The following KIAA1217 variants were observed in gnomAD, a reference collection of about 807,000 sequenced individuals.
KIAA1217 encodes KIAA1217, also known as sickle tail protein homolog.
KIAA1217 carries 88 observed loss-of-function variants against 163.9 expected under a neutral mutation model. The observed-to-expected ratio is 0.54, with a 90% CI of 0.45 to 0.64. KIAA1217 has a LOEUF of 0.64. KIAA1217 is among the 30% of genes least tolerant of loss of function. The pLI is 0.00. For missense variants in KIAA1217, 2,372 were observed against 2,475.0 expected, an observed-to-expected ratio of 0.96 and a Z score of 0.88; for synonymous variants, 903 against 923.1, an observed-to-expected ratio of 0.98 and a Z score of 0.39.
chr10:24,479,148 C>A (rs1160799126), intron 6 of KIAA1217, among the ~76,000 whole-genome samples: 2 of 152,176 alleles, frequency 1.3e-5, no homozygotes, highest in Non-Finnish European at 2.9e-5. Context: ...CTTAGCAGAA[C>A]CTTCTGTGTA....
At chr10:23,704,652 T>G (rs1385850879) in intron 1 of KIAA1217, among the ~76,000 whole-genome samples, 2 of 152,206 alleles carry the variant, frequency 1.3e-5, no homozygotes. Context: ...TTCTTTTTAT[T>G]GCCAAATAAA....
Position 24,513,420 on chromosome 10 carries a change from C to G in KIAA1217, c.2163C>G (p.Ile721Met). The G allele has an allele frequency of 6.2e-7, 1 of 1,614,054 alleles. No individual in the cohort carries two copies. Among genetic ancestry groups the G allele is most frequent in the Non-Finnish European group, 8.5e-7 (1 of 1,179,966 alleles). ...RQKYLHEEEK[I>M]VKKLCELEDF... ...AATATCTTCATGAGGAAGAGAAGATCGTCAAGAAGTTGTGGTGAGTGCCAG... is the reference window on the plus strand; with the variant it reads ...AATATCTTCATGAGGAAGAGAAGATGGTCAAGAAGTTGTGGTGAGTGCCAG... The change falls in exon 10 of 21, where the codon ATC becomes ATG. Residue 721 changes from isoleucine (I) to methionine (M), a missense_variant. By Grantham distance (10) the Ile-to-Met change is conservative. Around this residue, in one of 3 missense-constraint regions of KIAA1217, gnomAD observed 1,431 missense variants for 1,470.3 expected, o/e 0.97. Transcript: ENST00000376454.
chr10:24,107,995 A>G (rs913274685), intron 2 of KIAA1217, among the ~76,000 whole-genome samples: 4 of 152,154 alleles, frequency 2.6e-5, no homozygotes, highest in Non-Finnish European at 5.9e-5. Flanking sequence ...TTGTCCAGGT[A>G]AAGGTAGGTC....
At chr10:24,123,483 C>T (rs1417043495) in intron 2 of KIAA1217, among the ~76,000 whole-genome samples, 1 of 152,040 alleles carries the variant, frequency 6.6e-6, no homozygotes, top group African/African-American at 2.4e-5. Flanking sequence ...TATGTATGTG[C>T]TAGAATTTCT....
intron 2 of KIAA1217, among the ~76,000 whole-genome samples, chr10:24,027,823 C>T (rs907358275): frequency 2.0e-5 from 3 of 151,988 alleles, no homozygotes; most frequent in African/African-American, 7.2e-5. Flanking sequence ...TAAATAAGAC[C>T]TATCGCCCAA....
intron 3 of KIAA1217, among the ~76,000 whole-genome samples, chr10:24,427,560 G>T (rs529675723): frequency 1.3e-5 from 2 of 152,282 alleles, no homozygotes; most frequent in East Asian, 3.9e-4. Context: ...CTGTGAAATG[G>T]GGTCATAGTA....
intron 2 of KIAA1217, among the ~76,000 whole-genome samples, chr10:24,022,208 A>T (rs919468152): frequency 3.3e-5 from 5 of 149,992 alleles, no homozygotes; most frequent in Middle Eastern, 3.4e-3. Flanking sequence ...TATCTGATTT[A>T]AAAAAAACTT....
chr10:24,162,971 G>A (rs1418846982), intron 2 of KIAA1217, among the ~76,000 whole-genome samples: 1 of 152,130 alleles, frequency 6.6e-6, no homozygotes, highest in Admixed American at 6.6e-5. Context: ...GACCAATATG[G>A]CAGCCACAGT....
rs151201357 is a variant in KIAA1217, at chr10:24,484,210, G to A, written c.1679+10150G>A. 3.8e-5 allele frequency among the ~76,000 whole-genome samples: 5 copies of A among 129,922 alleles called. No individual in the cohort carries two copies. In the East Asian group the frequency reaches 8.9e-4, roughly 23 times the overall value. 85.2% of individuals were successfully genotyped at this position (129,922 alleles called of 152,430 possible). A position where few individuals can be genotyped will look rare whatever the true frequency, so the allele number is the denominator to read the frequency against. ...ATATATATTGATATACATATATATA[G>A]ATAGATAGATATACATATATATATA... On this transcript the variant is annotated intron_variant, in intron 6 of 20. Transcript: ENST00000376454.
At chr10:24,432,522 C>G (rs1477823395) in intron 3 of KIAA1217, among the ~76,000 whole-genome samples, 1 of 152,074 alleles carries the variant, frequency 6.6e-6, no homozygotes, top group Admixed American at 6.5e-5. Flanking sequence ...GTGGCGCAAT[C>G]ATAGCTCACT....
At chr10:23,771,606 T>C (rs1303160190) in intron 1 of KIAA1217, among the ~76,000 whole-genome samples, 2 of 152,266 alleles carry the variant, frequency 1.3e-5, no homozygotes, top group Non-Finnish European at 2.9e-5. Context: ...TAATGTGTTC[T>C]GATTAGTGGG....
At chr10:23,805,414 C>A (rs1444927595) in intron 1 of KIAA1217, among the ~76,000 whole-genome samples, 1 of 152,048 alleles carries the variant, frequency 6.6e-6, no homozygotes, top group Non-Finnish European at 1.5e-5. Flanking sequence ...CCTTAGCAAA[C>A]TAACATGGGA....
intron 2 of KIAA1217, among the ~76,000 whole-genome samples, chr10:24,323,588 G>A (rs79048677): frequency 0.026 from 3,882 of 152,176 alleles, 100 homozygotes; most frequent in Non-Finnish European, 0.035. Context: ...TTTGTGAAGC[G>A]CAGTTTGCAA....
At chr10:23,719,387 C>T (rs559960830) in intron 1 of KIAA1217, among the ~76,000 whole-genome samples, 1 of 152,170 alleles carries the variant, frequency 6.6e-6, no homozygotes, top group East Asian at 1.9e-4. Flanking sequence ...TCAAGACCAG[C>T]CTGGGCAACA....
intron 2 of KIAA1217, among the ~76,000 whole-genome samples, chr10:24,358,178 G>A (rs1440403776): frequency 1.3e-5 from 2 of 152,050 alleles, no homozygotes; most frequent in Non-Finnish European, 2.9e-5. Flanking sequence ...GGGTGCAAGG[G>A]GAAGGAGACA....
chr10:24,331,862 C>T (rs570745840), intron 2 of KIAA1217, among the ~76,000 whole-genome samples: 22 of 152,258 alleles, frequency 1.4e-4, no homozygotes, highest in South Asian at 6.2e-4. Flanking sequence ...TGCAATGGCG[C>T]GATCTCAGCT....
intron 2 of KIAA1217, among the ~76,000 whole-genome samples, chr10:24,379,186 G>A (rs955987539): frequency 5.3e-5 from 8 of 152,168 alleles, no homozygotes; most frequent in African/African-American, 1.9e-4. Flanking sequence ...GCACAGTAAG[G>A]AGGAAGCTAC....
intron 2 of KIAA1217, among the ~76,000 whole-genome samples, chr10:24,169,296 C>A (rs1481267129): frequency 6.6e-6 from 1 of 152,220 alleles, no homozygotes; most frequent in East Asian, 1.9e-4. Flanking sequence ...TTGGCCCATG[C>A]CCGTTCTTCC....
chr10:24,310,855 A>G (rs1453086834), intron 2 of KIAA1217, among the ~76,000 whole-genome samples: 1 of 152,058 alleles, frequency 6.6e-6, no homozygotes, highest in African/African-American at 2.4e-5. Flanking sequence ...CAATTAGCCA[A>G]GTGTGGTGGT....
Sources: gnomAD v4.1 joint callset for allele counts (sites outside exome capture counted in the v4.1 genomes callset) on GRCh38, gnomAD v4.1.1 for gene constraint, gnomAD v4.1.1 regional missense constraint, MANE v1.5 for transcripts, NCBI Gene and HGNC (gene_info 2026-07-23, HGNC 2026-07-21) for gene names.